Variants in NKIRAS1 observed in about 807,000 individuals in gnomAD.
NKIRAS1 encodes the protein NFKB inhibitor interacting Ras like 1, also known as NF-kappa-B inhibitor-interacting Ras-like protein 1.
In NKIRAS1, 16 loss-of-function variants were observed where a neutral mutation model predicts 19.8. That is an observed-to-expected ratio of 0.81 (90% confidence interval 0.55 to 1.23). The LOEUF (loss-of-function observed/expected upper bound fraction) is 1.23, where lower values mean the gene tolerates loss of function less well. NKIRAS1 is among the 50% of genes most tolerant of loss of function. The pLI is 0.00. For missense variants in NKIRAS1, 184 were observed against 220.0 expected, an observed-to-expected ratio of 0.84 and a Z score of 1.04; for synonymous variants, 88 against 79.0, an observed-to-expected ratio of 1.11 and a Z score of -0.61.
rs766685636 is a variant in NKIRAS1, at chr3:23,910,860, C to G, written c.45G>C (p.Val15=). The change falls in exon 3 of 5, where the codon GTG becomes GTC. Residue 15 remains valine, a synonymous_variant. Coordinates refer to ENST00000425478, the MANE Select transcript of NKIRAS1 (RefSeq NM_020345.4). ...GCTGCTCCAAAATTGCAGTTTTCCC[C>G]ACAGATAACAATCCACAAACCACAA... ...CKVVVCGLLS[V]GKTAILEQLL... 1.2e-6 allele frequency: 2 copies of G among 1,614,168 alleles called. No homozygotes were observed. Among genetic ancestry groups the G allele is most frequent in the Non-Finnish European group, 1.7e-6 (2 of 1,180,018 alleles).
At chr3:23,929,244 A>G (rs1339904645) in intron 1 of NKIRAS1, among the ~76,000 whole-genome samples, 2 of 148,660 alleles carry the variant, frequency 1.3e-5, no homozygotes, top group Admixed American at 1.3e-4. Flanking sequence ...GGCGCCTGTA[A>G]TCCCAGCTAC....
chr3:23,936,747 T>C (rs1023030055), intron 1 of NKIRAS1, among the ~76,000 whole-genome samples: 3 of 152,160 alleles, frequency 2.0e-5, no homozygotes, highest in East Asian at 1.9e-4. Flanking sequence ...GAGAGTTCAC[T>C]GTGTTAGCCA....
intron 4 of NKIRAS1, among the ~76,000 whole-genome samples, chr3:23,895,475 C>G (rs535976357): frequency 1.9e-4 from 29 of 152,232 alleles, no homozygotes; most frequent in African/African-American, 5.8e-4. Context: ...CCTTCCACCC[C>G]ACTCATGTCC....
chr3:23,901,179 C>CT (rs369838815), intron 3 of NKIRAS1, 130 bp from the exon 4 acceptor site: 58,792 of 725,208 alleles, frequency 0.081, 48 homozygotes, highest in East Asian at 0.097. Context: ...TTCTATTTTA[C>CT]TTTTTTTTTT....
chr3:23,907,612 G>A lies in NKIRAS1; in HGVS notation c.94+3199C>T, dbSNP rs906410213. Among the ~76,000 whole-genome samples the A allele has an allele frequency of 7.2e-5, 11 of 152,272 alleles. No homozygotes were observed. The East Asian group carries it at 7.7e-4, about 11-fold the overall frequency. ...AAAAGCAGTGGTGGGTAAAACTGCC[G>A]GTACCTTAGTGCAAATCGAGTCAGT... is the stretch of plus-strand genomic sequence containing the variant. On this transcript the variant is annotated intron_variant, in intron 3 of 4. Transcript: ENST00000425478.
At chr3:23,913,345 C>T (rs909821331) in intron 1 of NKIRAS1, among the ~76,000 whole-genome samples, 3 of 152,058 alleles carry the variant, frequency 2.0e-5, no homozygotes, top group Non-Finnish European at 4.4e-5. Context: ...ACAGAACAGA[C>T]CTCATTAAAT....
In NKIRAS1 at chr3:23,911,314, C is replaced by T. The variant is rs35036890; in HGVS notation, c.-18+15G>A. 3.5e-3 allele frequency: 576 copies of T among 166,172 alleles called. 6 individuals are homozygous for T. Among genetic ancestry groups the T allele is most frequent in the African/African-American group, 0.013 (529 of 41,638 alleles). 10.3% of individuals were successfully genotyped at this position (166,172 alleles called of 1,614,324 possible). A position where few individuals can be genotyped will look rare whatever the true frequency, so the allele number is the denominator to read the frequency against. On this transcript the variant is annotated intron_variant, in intron 2 of 4. Transcript: ENST00000425478. The stretch of plus-strand genomic sequence containing the variant: ...ACTAAAAATACAAAAATTAGCCAGG[C>T]GTGGTGGCACTCACCTGTAATCCCA...
At chr3:23,901,734 CAT>C (rs1195547170) in intron 3 of NKIRAS1, among the ~76,000 whole-genome samples, 2 of 152,098 alleles carry the variant, frequency 1.3e-5, no homozygotes, top group Non-Finnish European at 2.9e-5. Context: ...AGTGGAGAGA[CAT>C]GTGATAAGAC....
rs897786223 is a variant in NKIRAS1, at chr3:23,926,477, T to A, written c.-139-15027A>T. 1.3e-5 allele frequency among the ~76,000 whole-genome samples: 2 copies of A among 152,104 alleles called. No homozygotes were observed. The highest frequency in any genetic ancestry group is 4.8e-5 in the African/African-American group (2 of 41,404). ...CTCTCTTTTTTCTCTTCTTCCTCTT[T>A]CTCTCCTTCTCTTTCCTCTTCCTCT... On this transcript the variant is annotated intron_variant, in intron 1 of 4. Transcript: ENST00000421515. This position sits in a 1 kb window ranked among gnomAD's most constrained non-coding sequence, Gnocchi z 4.3.
chr3:23,917,958 C>T (rs1268165238), upstream of NKIRAS1: 2 of 1,613,794 alleles, frequency 1.2e-6, no homozygotes, highest in South Asian at 1.1e-5. Flanking sequence ...ACCGCCAGCT[C>T]TCTGCTCTCC....
intron 1 of NKIRAS1, among the ~76,000 whole-genome samples, chr3:23,936,751 T>G (rs1705401010): frequency 6.6e-6 from 1 of 152,200 alleles, no homozygotes; most frequent in African/African-American, 2.4e-5. Context: ...GTTCACTGTG[T>G]TAGCCAGGAT....
chr3:23,898,177 G>T (rs1343539956), intron 4 of NKIRAS1, among the ~76,000 whole-genome samples: 1 of 152,078 alleles, frequency 6.6e-6, no homozygotes, highest in Admixed American at 6.5e-5. Context: ...AAATACGGGG[G>T]AGAGGAGCTT....
chr3:23,909,402 C>T (rs181803995), intron 3 of NKIRAS1, among the ~76,000 whole-genome samples: 73 of 152,028 alleles, frequency 4.8e-4, no homozygotes, highest in African/African-American at 1.7e-3. Flanking sequence ...TAGCACGCAC[C>T]CATAGTCCCA....
At chr3:23,941,178 C>A (rs908197890) in intron 1 of NKIRAS1, among the ~76,000 whole-genome samples, 8 of 152,286 alleles carry the variant, frequency 5.3e-5, no homozygotes, top group East Asian at 1.9e-4. Context: ...TGAGGAATGA[C>A]CTTAAATGTT....
At chr3:23,918,480 A>T, upstream of NKIRAS1, 1 of 1,613,520 alleles carries the variant, frequency 6.2e-7, no homozygotes, top group Non-Finnish European at 8.5e-7. Flanking sequence ...GTGGTGGCCG[A>T]AAACGCCCAG....
chr3:23,945,567 C>T (rs1705636465), intron 1 of NKIRAS1: 21 of 1,165,218 alleles, frequency 1.8e-5, no homozygotes, highest in Non-Finnish European at 2.2e-5. Context: ...CGGCCGCCTC[C>T]GCGAGGGCAC....
At chr3:23,914,153 C>G (rs998946596) in intron 1 of NKIRAS1, among the ~76,000 whole-genome samples, 1 of 138,266 alleles carries the variant, frequency 7.2e-6, no homozygotes, top group Non-Finnish European at 1.5e-5. Context: ...ATACAACCTC[C>G]TCTCTCCAAC....
intron 3 of NKIRAS1, among the ~76,000 whole-genome samples, chr3:23,906,532 C>A (rs1046712555): frequency 1.2e-4 from 18 of 152,322 alleles, no homozygotes; most frequent in African/African-American, 4.3e-4. Context: ...CACAGCAAGA[C>A]CAATCCCTCC....
intron 1 of NKIRAS1, among the ~76,000 whole-genome samples, chr3:23,925,083 G>GGT (rs1705188627): frequency 6.6e-6 from 1 of 152,152 alleles, no homozygotes; most frequent in African/African-American, 2.4e-5. Flanking sequence ...GGCTACTCCT[G>GGT]GGTTCAAAGG....
Sources: allele counts gnomAD v4.1 joint callset (sites outside exome capture counted in the v4.1 genomes callset), GRCh38; gene constraint gnomAD v4.1.1; non-coding constraint Gnocchi (gnomAD v3.1); transcripts MANE v1.5; gene names NCBI Gene and HGNC (gene_info 2026-07-23, HGNC 2026-07-21).